The following NELL1 variants were observed in gnomAD, a reference collection of about 807,000 sequenced individuals.
NELL1 encodes the protein protein kinase C-binding protein NELL1.
A neutral mutation model predicts 107.4 loss-of-function variants in NELL1; 76 were observed. The ratio of observed to expected loss-of-function variants is 0.71; its 90% CI spans 0.59 to 0.86. The LOEUF (loss-of-function observed/expected upper bound fraction) is 0.86. Among genes scored for constraint, NELL1 ranks in the 40% least tolerant of loss-of-function variants. The pLI is 0.00. For missense variants in NELL1, 1,024 were observed against 1,005.5 expected (o/e 1.02, Z -0.25); for synonymous variants, 353 against 341.2 (o/e 1.03, Z -0.38).
At chr11:20,905,437 T>G in intron 5 of NELL1, among the ~76,000 whole-genome samples, 1 of 152,124 alleles carries the variant, frequency 6.6e-6, no homozygotes, top group Non-Finnish European at 1.5e-5. Context: ...ATAGAAACTA[T>G]TCCTGAGGAA....
chr11:20,843,510 C>G (rs1848653073), intron 3 of NELL1, among the ~76,000 whole-genome samples: 1 of 131,190 alleles, frequency 7.6e-6, no homozygotes, highest in Non-Finnish European at 1.8e-5. Flanking sequence ...CCACCTAATT[C>G]ATCCAGCAAT....
intron 12 of NELL1, among the ~76,000 whole-genome samples, chr11:21,102,014 A>T (rs573946677): frequency 6.6e-6 from 1 of 152,038 alleles, no homozygotes; most frequent in Admixed American, 6.6e-5. Flanking sequence ...CACTGTGACC[A>T]GCTAATTTTT....
chr11:20,992,805 C>T lies in NELL1; in HGVS notation c.1300+32245C>T, dbSNP rs1852005900. On this transcript the variant is annotated intron_variant, in intron 12 of 19. Coordinates refer to ENST00000357134, the MANE Select transcript of NELL1 (RefSeq NM_006157.5). Reference sequence around the variant, plus strand: ...TCTTGGCTCACTGCAACCTCCACCTCCTGGGTTCAAACCATTCTCCTGCCT... The same window carrying T: ...TCTTGGCTCACTGCAACCTCCACCTTCTGGGTTCAAACCATTCTCCTGCCT... Among the ~76,000 whole-genome samples the T allele has an allele frequency of 2.7e-5, 4 of 150,308 alleles. No homozygotes were observed. The South Asian group carries it at 8.5e-4, about 32-fold the overall frequency.
chr11:20,744,860 T>C (rs1364751610), intron 2 of NELL1, among the ~76,000 whole-genome samples: 1 of 152,180 alleles, frequency 6.6e-6, no homozygotes, highest in Non-Finnish European at 1.5e-5. Flanking sequence ...TCCAAGCTTG[T>C]TCCTGCCTCA....
intron 13 of NELL1, among the ~76,000 whole-genome samples, chr11:21,162,418 C>A (rs1213933332): frequency 6.6e-6 from 1 of 152,076 alleles, no homozygotes; most frequent in African/African-American, 2.4e-5. Flanking sequence ...GTCAGGAAAT[C>A]TACTGTATTA....
At chr11:21,288,045 T>TAAGGGAAGGAAGGAAAG (rs11273029) in intron 14 of NELL1, among the ~76,000 whole-genome samples, 129,385 of 143,780 alleles carry the variant, frequency 0.9, 58,413 homozygotes, top group Non-Finnish European at 0.95. Context: ...AAAGAAAAAA[T>TAAGGGAAGGAAGGAAAG]AAGGGAAGGA....
At chr11:20,794,923 C>A (rs982673801) in intron 3 of NELL1, among the ~76,000 whole-genome samples, 1 of 152,234 alleles carries the variant, frequency 6.6e-6, no homozygotes, top group Non-Finnish European at 1.5e-5. Flanking sequence ...CTTCCCTAAT[C>A]ATCATGAGCA....
At chr11:20,896,232 A>T (rs906502434) in intron 5 of NELL1, among the ~76,000 whole-genome samples, 1 of 152,074 alleles carries the variant, frequency 6.6e-6, no homozygotes, top group African/African-American at 2.4e-5. Context: ...AGAACATACA[A>T]TATTTGGTTT....
intron 14 of NELL1, among the ~76,000 whole-genome samples, chr11:21,355,235 A>C (rs183245754): frequency 2.8e-4 from 42 of 152,250 alleles, no homozygotes; most frequent in Non-Finnish European, 8.8e-5. Context: ...AAAGTCTGAC[A>C]CTGATGTGTG....
intron 13 of NELL1, among the ~76,000 whole-genome samples, chr11:21,184,926 C>T (rs1856901326): frequency 6.6e-6 from 1 of 151,806 alleles, no homozygotes; most frequent in Non-Finnish European, 1.5e-5. Flanking sequence ...GTTACATTTT[C>T]AAACGGCAAC....
At chr11:21,496,517 C>T (rs1160948462) in intron 15 of NELL1, among the ~76,000 whole-genome samples, 1 of 150,118 alleles carries the variant, frequency 6.7e-6, no homozygotes, top group Non-Finnish European at 1.5e-5. Context: ...TCAAGCGATT[C>T]TCCTGCCTCA....
intron 12 of NELL1, among the ~76,000 whole-genome samples, chr11:20,984,066 C>A (rs1851803043): frequency 6.6e-6 from 1 of 152,128 alleles, no homozygotes; most frequent in Non-Finnish European, 1.5e-5. Context: ...AGGTTAGTTA[C>A]CACCTTCTCA....
chr11:21,490,649 A>AT (rs1479938182), intron 15 of NELL1, among the ~76,000 whole-genome samples: 1 of 152,104 alleles, frequency 6.6e-6, no homozygotes. Flanking sequence ...AAATCCATGT[A>AT]TTTACAGCCA....
chr11:21,329,668 C>A (rs1388327583), intron 14 of NELL1, among the ~76,000 whole-genome samples: 1 of 152,054 alleles, frequency 6.6e-6, no homozygotes, highest in African/African-American at 2.4e-5. Context: ...ACACTGTATA[C>A]TTTGGCATTA....
intron 11 of NELL1, among the ~76,000 whole-genome samples, chr11:20,953,091 T>G (rs1210448037): frequency 2.6e-5 from 4 of 152,196 alleles, no homozygotes; most frequent in Non-Finnish European, 5.9e-5. Context: ...AACCAGTCCA[T>G]GGGTGGACCT....
At chr11:21,211,110 A>G (rs1857488092) in intron 13 of NELL1, among the ~76,000 whole-genome samples, 1 of 152,196 alleles carries the variant, frequency 6.6e-6, no homozygotes, top group African/African-American at 2.4e-5. Context: ...GACTTTCATA[A>G]TACACTAATA....
chr11:20,913,550 G>A (rs559404785), intron 5 of NELL1, among the ~76,000 whole-genome samples: 3 of 152,004 alleles, frequency 2.0e-5, no homozygotes, highest in South Asian at 2.1e-4. Flanking sequence ...GAAATAATGG[G>A]CATTAGTTCC....
intron 15 of NELL1, among the ~76,000 whole-genome samples, chr11:21,404,012 C>CG (rs972552996): frequency 4.5e-5 from 5 of 112,088 alleles, no homozygotes; most frequent in Admixed American, 9.2e-5. Context: ...TGAACCCCCC[C>CG]CCCCGCAATC....
chr11:20,723,511 C>T (rs1855439669), intron 2 of NELL1, among the ~76,000 whole-genome samples: 1 of 152,184 alleles, frequency 6.6e-6, no homozygotes, highest in South Asian at 2.1e-4. Flanking sequence ...ACATTCAGGG[C>T]ATGCTGATAC....
Sources: allele counts gnomAD v4.1 joint callset (sites outside exome capture counted in the v4.1 genomes callset), GRCh38; gene constraint gnomAD v4.1.1; transcripts MANE v1.5; gene names NCBI Gene and HGNC (gene_info 2026-07-23, HGNC 2026-07-21).